Variants in FOXD4L5 observed in about 807,000 individuals in gnomAD.
FOXD4L5 encodes the protein forkhead box protein D4-like 5.
For synonymous variants in FOXD4L5, 2 were observed against 238.5 expected (o/e 0.01, Z 9.14); for missense variants, 5 against 544.3 (o/e 0.01, Z 9.86).
chr9:65,284,180 C>T lies in FOXD4L5; in HGVS notation c.198G>A (p.Gly66=), dbSNP rs767198571. The T allele has an allele frequency of 1.3e-6, 2 of 1,577,794 alleles. No individual in the cohort carries two copies. Among genetic ancestry groups the T allele is most frequent in the African/African-American group, 1.5e-5 (1 of 67,986 alleles). ...CGATGTGCTCTCGGGGAAGCGCAAC[C>T]CCGCCCCACCGGGCCACCTGCAGCC... ...QPGLQVARWG[G]VALPREHIEG... is the part of the protein sequence containing the mutation. The change falls in exon 1 of 1, where the codon GGG becomes GGA. Residue 66 remains glycine (G), a synonymous_variant. Transcript: ENST00000377420.
rs1260867830 is a variant in FOXD4L5 at position 65,284,718 on chromosome 9, C to T, written c.-341G>A. ...GAGAAAAGCCCAGGCCCCTCCTCCT[C>T]GCACCCACCTGCCACCAAGGAAGAT... is the stretch of plus-strand genomic sequence containing the variant. On this transcript the variant is annotated 5_prime_UTR_variant, in exon 1 of 1. Coordinates refer to ENST00000377420, the MANE Select transcript of FOXD4L5 (RefSeq NM_001126334.1). 1 of 26,666 alleles carries T rather than the reference C, an allele frequency of 3.8e-5. No homozygotes were observed. Among genetic ancestry groups the T allele is most frequent in the African/African-American group, 7.3e-5 (1 of 13,698 alleles). 1.7% of individuals were successfully genotyped at this position (26,666 alleles called of 1,614,324 possible).
chr9:65,285,077 A>AG lies in FOXD4L5; in HGVS notation c.-701dup, dbSNP rs1184826926. ...GGTTCTGACAATATTCCCAGGCTTC[A>AG]GGGGGGTGTTGCTTTGCTCCTTCTA... On this transcript the variant is annotated 5_prime_UTR_variant, in exon 1 of 1. Transcript: ENST00000377420. 4 of 76,524 alleles carry AG rather than the reference A, an allele frequency of 5.2e-5. No homozygotes were observed. The highest frequency in any genetic ancestry group is 1.3e-4 in the African/African-American group (3 of 23,052). 4.7% of individuals were successfully genotyped at this position (76,524 alleles called of 1,614,324 possible).
In FOXD4L5 at chr9:65,284,424, T is replaced by C. The variant is rs763430275; in HGVS notation, c.-47A>G. The C allele has an allele frequency of 3.2e-6, 4 of 1,242,130 alleles. No individual in the cohort carries two copies. The highest frequency in any genetic ancestry group is 4.4e-6 in the Non-Finnish European group (4 of 902,870). 76.9% of individuals were successfully genotyped at this position (1,242,130 alleles called of 1,614,324 possible). On this transcript the variant is annotated 5_prime_UTR_variant, in exon 1 of 1. Transcript: ENST00000377420. ...GCAGGGGATGTGGCGGCCGATCACC[T>C]GGCCTGGGGCGGGCTGAGCTGGAAG...
In FOXD4L5 at chr9:65,284,454, G is replaced by A; in HGVS notation, c.-77C>T. 1 of 1,057,656 alleles carries A rather than the reference G, an allele frequency of 9.5e-7. No individual in the cohort carries two copies. Among genetic ancestry groups the A allele is most frequent in the African/African-American group, 1.5e-5 (1 of 65,076 alleles). 65.5% of individuals were successfully genotyped at this position (1,057,656 alleles called of 1,614,324 possible). ...TGGGGCGGGCTGAGCTGGAAGCCTG[G>A]GATGAATGTTGCAAGAAGCAGCAAT... On this transcript the variant is annotated 5_prime_UTR_variant, in exon 1 of 1. Coordinates refer to ENST00000377420, the MANE Select transcript of FOXD4L5 (RefSeq NM_001126334.1).
At position 65,284,480 on chromosome 9, in the gene FOXD4L5, G is replaced by A; in HGVS notation, c.-103C>T. The A allele has an allele frequency of 2.9e-6, 3 of 1,050,354 alleles. 1 individual carries two copies. The highest frequency in any genetic ancestry group is 3.9e-6 in the Non-Finnish European group (3 of 760,594). The allele number at this position is 1,050,354 out of a possible 1,614,324, so 65.1% of individuals were successfully genotyped here. A position where few individuals can be genotyped will look rare whatever the true frequency, so the allele number is the denominator to read the frequency against. On this transcript the variant is annotated 5_prime_UTR_variant, in exon 1 of 1. Coordinates refer to ENST00000377420, the MANE Select transcript of FOXD4L5 (RefSeq NM_001126334.1). ...GATGAATGTTGCAAGAAGCAGCAAT[G>A]CTAGTGGTTACCCTTTGGGATGTTT...
At position 65,282,789 on chromosome 9, in the gene FOXD4L5, ATGACT is replaced by A. The variant is rs1375201280; in HGVS notation, c.*333_*337del. On this transcript the variant is annotated 3_prime_UTR_variant, in exon 1 of 1. Coordinates refer to ENST00000377420, the MANE Select transcript of FOXD4L5 (RefSeq NM_001126334.1). ...AAGCCACAACCGAAGGCAAGAAAAGATGACTTGACGCCCTGCGAAGGTTACGTTCA... is the reference window on the plus strand; with the variant it reads ...AAGCCACAACCGAAGGCAAGAAAAGATGACGCCCTGCGAAGGTTACGTTCA... 6.9e-3 allele frequency: 1,756 copies of A among 254,294 alleles called. 169 individuals carry two copies. Among genetic ancestry groups the A allele is most frequent in the African/African-American group, 0.036 (1,464 of 40,734 alleles). 15.8% of individuals were successfully genotyped at this position (254,294 alleles called of 1,614,324 possible).
Position 65,284,442 on chromosome 9 carries a change from G to A in FOXD4L5, c.-65C>T, listed in dbSNP as rs1265917631. ...GATCACCTGGCCTGGGGCGGGCTGA[G>A]CTGGAAGCCTGGGATGAATGTTGCA... On this transcript the variant is annotated 5_prime_UTR_variant, in exon 1 of 1. Transcript: ENST00000377420. The A allele has an allele frequency of 1.8e-6, 2 of 1,114,010 alleles. 1 individual carries two copies. Among genetic ancestry groups the A allele is most frequent in the Non-Finnish European group, 2.5e-6 (2 of 801,842 alleles). The allele number at this position is 1,114,010 out of a possible 1,614,324, so 69.0% of individuals were successfully genotyped here. A position where few individuals can be genotyped will look rare whatever the true frequency, so the allele number is the denominator to read the frequency against.
rs1203738319 is a variant in FOXD4L5, at chr9:65,285,076, C to CA, written c.-700dup. ...AGGTTCTGACAATATTCCCAGGCTT[C>CA]AGGGGGGTGTTGCTTTGCTCCTTCT... On this transcript the variant is annotated 5_prime_UTR_variant, in exon 1 of 1. Transcript: ENST00000377420. The CA allele has an allele frequency of 4.0e-5, 3 of 75,542 alleles. No individual in the cohort carries two copies. Among genetic ancestry groups the CA allele is most frequent in the Non-Finnish European group, 8.5e-5 (3 of 35,292 alleles). 4.7% of individuals were successfully genotyped at this position (75,542 alleles called of 1,614,324 possible).
At position 65,284,434 on chromosome 9, in the gene FOXD4L5, C is replaced by T. The variant is rs1449856545; in HGVS notation, c.-57G>A. 19 of 1,172,252 alleles carry T rather than the reference C, an allele frequency of 1.6e-5. 1 individual carries two copies. In the Admixed American group the frequency reaches 2.0e-4, roughly 12 times the overall value. 72.6% of individuals were successfully genotyped at this position (1,172,252 alleles called of 1,614,324 possible). On this transcript the variant is annotated 5_prime_UTR_variant, in exon 1 of 1. Coordinates refer to ENST00000377420, the MANE Select transcript of FOXD4L5 (RefSeq NM_001126334.1). ...TGGCGGCCGATCACCTGGCCTGGGG[C>T]GGGCTGAGCTGGAAGCCTGGGATGA... is the stretch of plus-strand genomic sequence containing the variant.
At position 65,284,524 on chromosome 9, in the gene FOXD4L5, T is replaced by G. The variant is rs1447358254; in HGVS notation, c.-147A>C. ...GATGTTTTCGTCTGCTTGTTTCTAC[T>G]CCTTTGCAACAACGTCCGGCAAAGA... is the stretch of plus-strand genomic sequence containing the variant. On this transcript the variant is annotated 5_prime_UTR_variant, in exon 1 of 1. Coordinates refer to ENST00000377420, the MANE Select transcript of FOXD4L5 (RefSeq NM_001126334.1). 1 of 608,856 alleles carries G rather than the reference T, an allele frequency of 1.6e-6. No individual in the cohort carries two copies. The highest frequency in any genetic ancestry group is 1.9e-5 in the African/African-American group (1 of 52,946). The allele number at this position is 608,856 out of a possible 1,614,324, so 37.7% of individuals were successfully genotyped here.
At chr9:65,283,226 G>GA in the FOXD4L5 span, 3 of 1,503,688 alleles carry the variant, frequency 2.0e-6, no homozygotes, top group South Asian at 3.5e-5. Flanking sequence ...TGCTATTGCT[G>GA]CAAAATTGTC....
At chr9:65,284,067 CG>C in the FOXD4L5 span, 1 of 1,608,424 alleles carries the variant, frequency 6.2e-7, no homozygotes, top group East Asian at 2.3e-5. Context: ...TGCCGGCTGC[CG>C]GGCATCTTCA....
Position 65,284,450 on chromosome 9 carries a change from C to T in FOXD4L5, c.-73G>A. 1 of 1,072,764 alleles carries T rather than the reference C, an allele frequency of 9.3e-7. No homozygotes were observed. The highest frequency in any genetic ancestry group is 1.3e-6 in the Non-Finnish European group (1 of 776,152). 66.5% of individuals were successfully genotyped at this position (1,072,764 alleles called of 1,614,324 possible). On this transcript the variant is annotated 5_prime_UTR_variant, in exon 1 of 1. Transcript: ENST00000377420. ...GGCCTGGGGCGGGCTGAGCTGGAAG[C>T]CTGGGATGAATGTTGCAAGAAGCAG... is the stretch of plus-strand genomic sequence containing the variant.
chr9:65,284,543 G>T lies in FOXD4L5; in HGVS notation c.-166C>A. 1 of 400,896 alleles carries T rather than the reference G, an allele frequency of 2.5e-6. No homozygotes were observed. Among genetic ancestry groups the T allele is most frequent in the African/African-American group, 2.4e-5 (1 of 42,220 alleles). 24.8% of individuals were successfully genotyped at this position (400,896 alleles called of 1,614,324 possible). ...TTCTACTCCTTTGCAACAACGTCCG[G>T]CAAAGATGCCTTTGCCTTTTATAAA... On this transcript the variant is annotated 5_prime_UTR_variant, in exon 1 of 1. Coordinates refer to ENST00000377420, the MANE Select transcript of FOXD4L5 (RefSeq NM_001126334.1).
At position 65,284,481 on chromosome 9, in the gene FOXD4L5, C is replaced by T. The variant is rs115782923; in HGVS notation, c.-104G>A. On this transcript the variant is annotated 5_prime_UTR_variant, in exon 1 of 1. Transcript: ENST00000377420. ...ATGAATGTTGCAAGAAGCAGCAATG[C>T]TAGTGGTTACCCTTTGGGATGTTTT... 3,693 of 1,046,184 alleles carry T rather than the reference C, an allele frequency of 3.5e-3. 653 individuals carry two copies. In the African/African-American group the frequency reaches 0.047, roughly 13 times the overall value. 64.8% of individuals were successfully genotyped at this position (1,046,184 alleles called of 1,614,324 possible).
rs1293502653 is a variant in FOXD4L5 at position 65,284,523 on chromosome 9, C to T, written c.-146G>A. 4 of 629,270 alleles carry T rather than the reference C, an allele frequency of 6.4e-6. 2 individuals are homozygous for T. Among genetic ancestry groups the T allele is most frequent in the Non-Finnish European group, 9.6e-6 (4 of 416,810 alleles). The allele number at this position is 629,270 out of a possible 1,614,324, so 39.0% of individuals were successfully genotyped here. ...GGATGTTTTCGTCTGCTTGTTTCTA[C>T]TCCTTTGCAACAACGTCCGGCAAAG... On this transcript the variant is annotated 5_prime_UTR_variant, in exon 1 of 1. Transcript: ENST00000377420.
the FOXD4L5 span, chr9:65,284,045 G>GT: frequency 6.2e-7 from 1 of 1,600,532 alleles, no homozygotes; most frequent in African/African-American, 1.4e-5. Flanking sequence ...CGATGTACGA[G>GT]TAGGGGGGCT....
At position 65,282,205 on chromosome 9, in the gene FOXD4L5, GT is replaced by G. The variant is rs1024321638; in HGVS notation, c.*921del. On this transcript the variant is annotated 3_prime_UTR_variant, in exon 1 of 1. Transcript: ENST00000377420. ...AACTGAATTGAAGCCGTGGAGCAGT[GT>G]TTTGTTGAACAATAAATATGATATA... The G allele has an allele frequency of 4.8e-5, 1 of 20,640 alleles. No homozygotes were observed. Among genetic ancestry groups the G allele is most frequent in the African/African-American group, 6.4e-5 (1 of 15,636 alleles). 1.3% of individuals were successfully genotyped at this position (20,640 alleles called of 1,614,324 possible). A position where few individuals can be genotyped will look rare whatever the true frequency, so the allele number is the denominator to read the frequency against.
rs1305317010 is a variant in FOXD4L5 at position 65,284,426 on chromosome 9, G to A, written c.-49C>T. 8.2e-7 allele frequency: 1 copy of A among 1,222,472 alleles called. No homozygotes were observed. The highest frequency in any genetic ancestry group is 1.1e-6 in the Non-Finnish European group (1 of 885,546). 75.7% of individuals were successfully genotyped at this position (1,222,472 alleles called of 1,614,324 possible). ...AGGGGATGTGGCGGCCGATCACCTG[G>A]CCTGGGGCGGGCTGAGCTGGAAGCC... is the stretch of plus-strand genomic sequence containing the variant. On this transcript the variant is annotated 5_prime_UTR_variant, in exon 1 of 1. Transcript: ENST00000377420.
Sources: allele counts gnomAD v4.1 joint callset, GRCh38; gene constraint gnomAD v4.1.1; transcripts MANE v1.5; gene names NCBI Gene and HGNC (gene_info 2026-07-23, HGNC 2026-07-21).